ARID1B: variants seen among roughly 807,000 people sequenced by gnomAD.
The protein encoded by ARID1B is AT-rich interactive domain-containing protein 1B.
In ARID1B, 30 loss-of-function variants were observed where a neutral mutation model predicts 212.3. The ratio of observed to expected loss-of-function variants is 0.14; its 90% CI spans 0.11 to 0.19. The LOEUF (loss-of-function observed/expected upper bound fraction) is 0.19. Ranked by LOEUF, ARID1B falls within the 10% of genes least tolerant of loss-of-function variation. The pLI, the probability that ARID1B is intolerant of heterozygous loss-of-function variation, is 1.00. For synonymous variants in ARID1B, 1,402 were observed against 1,301.7 expected (o/e 1.08, Z -1.66); for missense variants, 2,891 against 3,204.0 (o/e 0.90, Z 2.36).
At chr6:157,035,529 A>C (rs1477658522) in intron 4 of ARID1B, among the ~76,000 whole-genome samples, 1 of 152,238 alleles carries the variant, frequency 6.6e-6, no homozygotes, top group Non-Finnish European at 1.5e-5. Flanking sequence ...AAAGTCTATA[A>C]TAAGGCCTTG....
chr6:156,841,187 G>C (rs1184107913), intron 2 of ARID1B, among the ~76,000 whole-genome samples: 2 of 152,190 alleles, frequency 1.3e-5, no homozygotes, highest in African/African-American at 4.8e-5. Flanking sequence ...ATCACGGAAA[G>C]GGCTTTTGAT....
At chr6:157,053,453 A>G (rs1337760374) in intron 4 of ARID1B, among the ~76,000 whole-genome samples, 2 of 152,198 alleles carry the variant, frequency 1.3e-5, no homozygotes, top group Non-Finnish European at 2.9e-5. Flanking sequence ...TGCTGTCTTG[A>G]CTGGTTTCTC....
At chr6:157,137,443 C>A (rs1583378500) in intron 7 of ARID1B, among the ~76,000 whole-genome samples, 2 of 152,210 alleles carry the variant, frequency 1.3e-5, no homozygotes, top group Admixed American at 1.3e-4. Flanking sequence ...ATGTAATTAA[C>A]ATGTTAATTA....
At chr6:156,812,467 G>A (rs963512889) in intron 1 of ARID1B, among the ~76,000 whole-genome samples, 2 of 152,246 alleles carry the variant, frequency 1.3e-5, no homozygotes, top group Middle Eastern at 6.8e-3. Context: ...CTGTCCTATA[G>A]TATTTATAAG....
chr6:156,842,123 A>G (rs1017128312), intron 2 of ARID1B, among the ~76,000 whole-genome samples: 1 of 152,226 alleles, frequency 6.6e-6, no homozygotes, highest in African/African-American at 2.4e-5. Flanking sequence ...TTGAGGGGAA[A>G]TTCACATAAC....
intron 4 of ARID1B, among the ~76,000 whole-genome samples, chr6:157,059,315 A>G (rs1346728338): frequency 6.6e-6 from 1 of 152,166 alleles, no homozygotes; most frequent in Non-Finnish European, 1.5e-5. Flanking sequence ...AAATTACTCC[A>G]TTCGCTAGAA....
At position 156,913,841 on chromosome 6, in the gene ARID1B, C is replaced by T. The variant is rs192662861; in HGVS notation, c.2136+12316C>T. ...CACCATCCCACTCTCCACTTCCCAACAACCAGCCAACCCCAGCCCATGAGC... is the reference window on the plus strand; with the variant it reads ...CACCATCCCACTCTCCACTTCCCAATAACCAGCCAACCCCAGCCCATGAGC... On this transcript the variant is annotated intron_variant, in intron 3 of 19. Transcript: ENST00000636930. Among the ~76,000 whole-genome samples, 20 of 148,846 alleles carry T rather than the reference C, an allele frequency of 1.3e-4. No individual in the cohort carries two copies. In the East Asian group the frequency reaches 2.5e-3, roughly 18 times the overall value.
Position 157,206,745 on chromosome 6 carries a change from G to T in ARID1B, c.5973G>T (p.Gln1991His). ...AAGGCAAAGGCGACTCTGAAGAGCA[G>T]CAAGAGAAAAGCATCATAGCAACCA... The part of the protein sequence containing the change: ...EQEGKGDSEE[Q>H]QEKSIIATID... The change falls in exon 20 of 20, where the codon CAG (glutamine) becomes CAT (histidine). Residue 1991 changes from glutamine (Q) to histidine (H), a missense_variant. Physicochemically the swap from Gln to His is conservative, Grantham distance 24. This residue lies in a region of ARID1B where 332 missense variants were observed against 369.2 expected (regional missense o/e 0.90). Coordinates refer to ENST00000636930, the MANE Select transcript of ARID1B (RefSeq NM_001374828.1). The surrounding 1 kb of genome is among the most constrained non-coding windows in gnomAD (Gnocchi z 6.8). The T allele has an allele frequency of 6.2e-7, 1 of 1,613,212 alleles. No individual in the cohort carries two copies.
chr6:157,148,933 C>T lies in ARID1B; in HGVS notation c.3071C>T (p.Ala1024Val), dbSNP rs1427793472. 5.0e-6 allele frequency: 8 copies of T among 1,611,816 alleles called. No individual in the cohort carries two copies. The highest frequency in any genetic ancestry group is 1.6e-4 in the Middle Eastern group (1 of 6,082). The change falls in exon 8 of 20, where the codon GCG becomes GTG. Residue 1024 changes from alanine to valine, a missense_variant. Transcript: ENST00000636930. The surrounding 1 kb of genome is among the most constrained non-coding windows in gnomAD (Gnocchi z 5.6). ...GCCGCAGCAGTGATGCAGGCTGCTG[C>T]GAACTCAGCACAAAGCAGGTACGCC... Reference protein sequence around the residue: ...EAAAAVMQAAANSAQSRQGSF... With the variant: ...EAAAAVMQAAVNSAQSRQGSF...
intron 2 of ARID1B, among the ~76,000 whole-genome samples, chr6:156,895,692 CAG>C (rs1174422701): frequency 1.3e-5 from 2 of 151,988 alleles, no homozygotes; most frequent in South Asian, 2.1e-4. Context: ...GCAAATATAA[CAG>C]ACACACTTGT....
intron 4 of ARID1B, among the ~76,000 whole-genome samples, chr6:156,948,337 C>T (rs906937110): frequency 6.6e-6 from 1 of 152,104 alleles, no homozygotes; most frequent in African/African-American, 2.4e-5. Flanking sequence ...CTCAGCCTCT[C>T]GAGTAGCTGG....
intron 2 of ARID1B, among the ~76,000 whole-genome samples, chr6:156,867,936 C>A (rs1399465713): frequency 6.6e-6 from 1 of 152,230 alleles, no homozygotes. Context: ...GTATTCACGT[C>A]AGTTATGCAC....
At position 156,985,146 on chromosome 6, in the gene ARID1B, C is replaced by T. The variant is rs528028364; in HGVS notation, c.2247+49570C>T. On this transcript the variant is annotated intron_variant, in intron 4 of 19. Transcript: ENST00000636930. The stretch of plus-strand genomic sequence containing the variant: ...TTTGAGATTCTTTCAGGCTGTGACT[C>T]TTAAGGTCAGCTACATTTTTATTGA... 6 of 152,284 alleles carry T rather than the reference C, an allele frequency of 3.9e-5. No individual in the cohort carries two copies. The South Asian group carries it at 1.2e-3, about 32-fold the overall frequency. 9.4% of individuals were successfully genotyped at this position (152,284 alleles called of 1,614,324 possible).
chr6:156,896,227 C>T (rs944651891), intron 2 of ARID1B, among the ~76,000 whole-genome samples: 14 of 152,086 alleles, frequency 9.2e-5, no homozygotes, highest in South Asian at 2.1e-4. Flanking sequence ...CTTAACAAGG[C>T]GCATGGCCGG....
intron 1 of ARID1B, among the ~76,000 whole-genome samples, chr6:156,813,834 A>G (rs1267247763): frequency 6.6e-6 from 1 of 152,164 alleles, no homozygotes; most frequent in Non-Finnish European, 1.5e-5. Flanking sequence ...CTTGTGAGCC[A>G]AGCAAGAACT....
At chr6:157,162,153 C>G (rs1435740788) in intron 8 of ARID1B, among the ~76,000 whole-genome samples, 7 of 152,188 alleles carry the variant, frequency 4.6e-5, no homozygotes, top group Non-Finnish European at 4.4e-5. Flanking sequence ...TGAGAAAATA[C>G]AGTGTTGATT....
Position 157,206,443 on chromosome 6 carries a change from C to G in ARID1B, c.5671C>G (p.Pro1891Ala), listed in dbSNP as rs558541490. 2.5e-6 allele frequency: 4 copies of G among 1,614,066 alleles called. No homozygotes were observed. In the Admixed American group the frequency reaches 6.7e-5, roughly 27 times the overall value. The part of the protein sequence containing the change: ...DEKSSIALTA[P>A]DAAADPKEKP... ...AAAGAGCAGCATCGCTCTGACTGCC[C>G]CGGACGCCGCTGCAGACCCAAAGGA... The change falls in exon 20 of 20, where the codon CCG (proline) becomes GCG (alanine). Residue 1891 changes from proline to alanine, a missense_variant. Around this residue, in one of 7 missense-constraint regions of ARID1B, gnomAD observed 332 missense variants for 369.2 expected, o/e 0.90. Coordinates refer to ENST00000636930, the MANE Select transcript of ARID1B (RefSeq NM_001374828.1). The surrounding 1 kb of genome is among the most constrained non-coding windows in gnomAD (Gnocchi z 6.8).
intron 1 of ARID1B, among the ~76,000 whole-genome samples, chr6:156,811,229 G>A (rs1371136472): frequency 6.6e-6 from 1 of 152,130 alleles, no homozygotes; most frequent in East Asian, 1.9e-4. Flanking sequence ...GATTAAGGAG[G>A]GGCTTTAATT....
Position 157,203,770 on chromosome 6 carries a change from A to C in ARID1B, c.5264-96A>C. On this transcript the variant is annotated intron_variant, in intron 18 of 19. Coordinates refer to ENST00000636930, the MANE Select transcript of ARID1B (RefSeq NM_001374828.1). The surrounding 1 kb of genome is among the most constrained non-coding windows in gnomAD (Gnocchi z 4.4). The stretch of plus-strand genomic sequence containing the variant: ...TTTGTTTAAAGTCAATATTTAACTT[A>C]ACACTCCACTTATTTTTTCTTACTC... The C allele has an allele frequency of 6.9e-7, 1 of 1,444,834 alleles. No homozygotes were observed. Among genetic ancestry groups the C allele is most frequent in the East Asian group, 2.3e-5 (1 of 43,792 alleles). The allele number at this position is 1,444,834 out of a possible 1,614,324, so 89.5% of individuals were successfully genotyped here. A position where few individuals can be genotyped will look rare whatever the true frequency, so the allele number is the denominator to read the frequency against.
Sources: allele counts gnomAD v4.1 joint callset (sites outside exome capture counted in the v4.1 genomes callset), GRCh38; gene constraint gnomAD v4.1.1; regional missense constraint gnomAD v4.1.1; non-coding constraint Gnocchi (gnomAD v3.1); transcripts MANE v1.5; gene names NCBI Gene and HGNC (gene_info 2026-07-23, HGNC 2026-07-21).